ARMC2: variants seen among roughly 807,000 people sequenced by gnomAD.
ARMC2 encodes armadillo repeat-containing protein 2.
In ARMC2, 67 loss-of-function variants were observed where a neutral mutation model predicts 90.3. That is an observed-to-expected ratio of 0.74 (90% CI 0.61 to 0.91). The LOEUF is 0.91. Ranked by LOEUF, ARMC2 falls within the 40% of genes least tolerant of loss-of-function variation. The pLI is 0.00. For synonymous variants in ARMC2, 393 were observed against 393.0 expected (o/e 1.00, Z 0.00); for missense variants, 920 against 1,030.9 (o/e 0.89, Z 1.47).
At chr6:109,000,383 G>A in the ARMC2 span, 1 of 764,884 alleles carries the variant, frequency 1.3e-6, no homozygotes, top group Non-Finnish European at 2.0e-6. Flanking sequence ...AGATTCAGGG[G>A]GTAGAAAATA....
In ARMC2 at chr6:108,961,631, A is replaced by C; in HGVS notation, c.1975A>C (p.Asn659His). The stretch of plus-strand genomic sequence containing the variant: ...GATCAATGCTACAGCGACAATCAAC[A>C]ATTTATCTTACTACCAAGTGAAGAA... ...LVINATATIN[N>H]LSYYQVKNSI... Residue 659 changes from asparagine to histidine, a missense_variant, in exon 14 of 18, where the codon AAT (asparagine) becomes CAT (histidine). Coordinates refer to ENST00000392644, the MANE Select transcript of ARMC2 (RefSeq NM_032131.6). 1 of 1,612,362 alleles carries C rather than the reference A, an allele frequency of 6.2e-7. No individual in the cohort carries two copies. The highest frequency in any genetic ancestry group is 8.5e-7 in the Non-Finnish European group (1 of 1,179,358).
At chr6:109,006,280 A>G in the ARMC2 span, among the ~76,000 whole-genome samples, 1 of 152,194 alleles carries the variant, frequency 6.6e-6, no homozygotes, top group Non-Finnish European at 1.5e-5. Flanking sequence ...AGCATAACTG[A>G]TGAAAGCCCT....
chr6:108,875,578 T>C (rs1776853455), intron 4 of ARMC2, among the ~76,000 whole-genome samples: 1 of 152,164 alleles, frequency 6.6e-6, no homozygotes, highest in South Asian at 2.1e-4. Context: ...CTATTCCCAA[T>C]CCCCTTGAGC....
intron 4 of ARMC2, among the ~76,000 whole-genome samples, chr6:108,871,560 T>C (rs1411242914): frequency 6.6e-6 from 1 of 152,168 alleles, no homozygotes; most frequent in East Asian, 1.9e-4. Flanking sequence ...TTCTGTGTTC[T>C]TGCTTGTGAG....
chr6:108,921,142 A>G (rs573686023), intron 10 of ARMC2, among the ~76,000 whole-genome samples: 11 of 151,662 alleles, frequency 7.3e-5, no homozygotes, highest in Admixed American at 3.3e-4. Context: ...TCTTTTTCAG[A>G]CTCCTTTTTC....
At chr6:108,895,612 A>G (rs1771529940) in intron 6 of ARMC2, among the ~76,000 whole-genome samples, 1 of 152,222 alleles carries the variant, frequency 6.6e-6, no homozygotes, top group African/African-American at 2.4e-5. Flanking sequence ...TAGAAATGAT[A>G]CAAAATGTAT....
Position 108,922,319 on chromosome 6 carries a change from T to G in ARMC2, c.1351-5769T>G, listed in dbSNP as rs1293795746. 2.0e-5 allele frequency among the ~76,000 whole-genome samples: 3 copies of G among 151,446 alleles called. No homozygotes were observed. The South Asian group carries it at 6.3e-4, about 32-fold the overall frequency. On this transcript the variant is annotated intron_variant, in intron 10 of 17. Transcript: ENST00000392644. ...TCTCACTGTGTCACTCAGGTTGGAG[T>G]GCGGTGGTGCGATCAAAGGCATGGC...
chr6:109,040,525 C>T, the ARMC2 span, among the ~76,000 whole-genome samples: 4 of 151,848 alleles, frequency 2.6e-5, no homozygotes, highest in South Asian at 2.1e-4. Context: ...CTTAGGGTAA[C>T]GCCAGCAAAT....
At chr6:109,052,785 G>A in the ARMC2 span, among the ~76,000 whole-genome samples, 1 of 152,008 alleles carries the variant, frequency 6.6e-6, no homozygotes, top group Admixed American at 6.6e-5. Context: ...GCAGTTTTGA[G>A]ACGAGACAGA....
intron 5 of ARMC2, among the ~76,000 whole-genome samples, chr6:108,881,576 G>A (rs764292088): frequency 3.9e-5 from 6 of 152,154 alleles, no homozygotes; most frequent in Non-Finnish European, 8.8e-5. Flanking sequence ...AACGATGTAG[G>A]CAGGCTGCGG....
At chr6:108,964,504 T>C (rs1435758258) in intron 16 of ARMC2, among the ~76,000 whole-genome samples, 192 bp downstream of exon 16, 2 of 152,146 alleles carry the variant, frequency 1.3e-5, no homozygotes, top group Non-Finnish European at 2.9e-5. Context: ...CCAGGTGTGG[T>C]GGCTCGCACC....
chr6:109,001,420 G>A, the ARMC2 span: 2 of 1,613,770 alleles, frequency 1.2e-6, no homozygotes, highest in Non-Finnish European at 1.7e-6. Context: ...TATCCAAACG[G>A]CCCAAAGCAG....
At chr6:108,866,782 G>A (rs909261641) in intron 3 of ARMC2, among the ~76,000 whole-genome samples, 4 of 152,010 alleles carry the variant, frequency 2.6e-5, no homozygotes, top group African/African-American at 9.7e-5. Context: ...AACTGTGTTA[G>A]AAAAATGTGT....
Position 108,912,466 on chromosome 6 carries a change from G to A in ARMC2, c.1258G>A (p.Val420Met), listed in dbSNP as rs949168180. The A allele has an allele frequency of 3.7e-6, 6 of 1,613,834 alleles. No individual in the cohort carries two copies. In the Admixed American group the frequency reaches 5.0e-5, roughly 13 times the overall value. The change falls in exon 10 of 18, where the codon GTG becomes ATG. Residue 420 changes from valine (V) to methionine (M), a missense_variant. By Grantham distance (21) the Val-to-Met change is conservative (BLOSUM62 1). Coordinates refer to ENST00000392644, the MANE Select transcript of ARMC2 (RefSeq NM_032131.6). ...TAATGAAATGATCAGCAAAGGTGCT[G>A]TGGAAATACTGATAAATTTGATAAA... Reference protein sequence around the residue: ...FLNEMISKGAVEILINLIKQI... With the variant: ...FLNEMISKGAMEILINLIKQI...
At position 108,868,890 on chromosome 6, in the gene ARMC2, G is replaced by C. The variant is rs750253894; in HGVS notation, c.358G>C (p.Val120Leu). ...CTGCTTTTCCTTTCCTAAGCCCCCA[G>C]TGGACCCTGCGAAGATTAGAAGAGT... ...DSCFSFPKPP[V>L]DPAKIRRVSN... Residue 120 changes from valine (V) to leucine (L), a missense_variant, in exon 4 of 18, where the codon GTG becomes CTG. Val to Leu is a conservative substitution (Grantham distance 32, BLOSUM62 1). Coordinates refer to ENST00000392644, the MANE Select transcript of ARMC2 (RefSeq NM_032131.6). 6.2e-7 allele frequency: 1 copy of C among 1,613,944 alleles called. No individual in the cohort carries two copies. The highest frequency in any genetic ancestry group is 2.2e-5 in the East Asian group (1 of 44,876).
At chr6:109,000,814 A>C in the ARMC2 span, 2 of 603,264 alleles carry the variant, frequency 3.3e-6, no homozygotes, top group Non-Finnish European at 5.0e-6. Flanking sequence ...TGCAGTTTTT[A>C]TATAAACATT....
the ARMC2 span, among the ~76,000 whole-genome samples, chr6:109,042,997 A>G: frequency 6.6e-6 from 1 of 152,166 alleles, no homozygotes; most frequent in Non-Finnish European, 1.5e-5. Context: ...ATTATATATC[A>G]AGATTTAGGG....
At chr6:108,960,646 G>A (rs1777928719) in intron 13 of ARMC2, among the ~76,000 whole-genome samples, 1 of 152,176 alleles carries the variant, frequency 6.6e-6, no homozygotes, top group South Asian at 2.1e-4. Context: ...AATTAAAGCA[G>A]GGTGAGAAAA....
chr6:108,965,178 CAG>C, intron 17 of ARMC2, 38 bp downstream of exon 17: 1 of 1,554,228 alleles, frequency 6.4e-7, no homozygotes, highest in Non-Finnish European at 8.8e-7. Context: ...TGAGTTTTAT[CAG>C]AGTGTGAGAT....
Sources: gnomAD v4.1 joint callset for allele counts (sites outside exome capture counted in the v4.1 genomes callset) on GRCh38, gnomAD v4.1.1 for gene constraint, MANE v1.5 for transcripts, NCBI Gene and HGNC (gene_info 2026-07-23, HGNC 2026-07-21) for gene names.